Variants in LPCAT1 observed in about 807,000 individuals in gnomAD.
LPCAT1 encodes lysophosphatidylcholine acyltransferase 1.
LPCAT1 carries 23 observed loss-of-function variants against 60.9 expected under a neutral mutation model. The ratio of observed to expected loss-of-function variants is 0.38; its 90% CI spans 0.27 to 0.53. The LOEUF is 0.53. Among genes scored for constraint, LPCAT1 ranks in the 20% least tolerant of loss-of-function variants. The pLI is 0.82. For missense variants in LPCAT1, 622 were observed against 723.6 expected (o/e 0.86, Z 1.61); for synonymous variants, 340 against 301.1 (o/e 1.13, Z -1.34).
intron 12 of LPCAT1, among the ~76,000 whole-genome samples, chr5:1,467,976 C>A (rs1047410783): frequency 1.4e-4 from 21 of 152,118 alleles, no homozygotes; most frequent in African/African-American, 4.8e-4. Context: ...ATCTTGTGAG[C>A]GTTTGCTCCA....
At position 1,523,411 on chromosome 5, in the gene LPCAT1, G is replaced by A. The variant is rs1736735023; in HGVS notation, c.135+299C>T. Among the ~76,000 whole-genome samples the A allele has an allele frequency of 6.6e-6, 1 of 151,784 alleles. No individual in the cohort carries two copies. The highest frequency in any genetic ancestry group is 2.1e-4 in the South Asian group (1 of 4,828). ...GTTGTGGGCCCGGTTCAGGGTGCAGGGGTCTGGGGGGAGGAGCAGAACGCG... is the reference window on the plus strand; with the variant it reads ...GTTGTGGGCCCGGTTCAGGGTGCAGAGGTCTGGGGGGAGGAGCAGAACGCG... On this transcript the variant is annotated intron_variant, in intron 1 of 13. Coordinates refer to ENST00000283415, the MANE Select transcript of LPCAT1 (RefSeq NM_024830.5). This position sits in a 1 kb window ranked among gnomAD's most constrained non-coding sequence, Gnocchi z 7.1.
At chr5:1,486,932 A>AC (rs1298788386) in intron 5 of LPCAT1, among the ~76,000 whole-genome samples, 1 of 152,212 alleles carries the variant, frequency 6.6e-6, no homozygotes, top group Non-Finnish European at 1.5e-5. Flanking sequence ...CCTGGACTGC[A>AC]CACAGTGAGC....
rs759902435 is a variant in LPCAT1 at position 1,474,116 on chromosome 5, C to T, written c.1026-6G>A. ...CAAGCTTTTCTGGTTTTAGCCTAGA[C>T]AAAAAAAGAGGGAAAGCTTTCTTTT... On this transcript the variant is annotated splice_region_variant and splice_polypyrimidine_tract_variant and intron_variant, in intron 10 of 13. Transcript: ENST00000283415. 8 of 1,601,808 alleles carry T rather than the reference C, an allele frequency of 5.0e-6. No homozygotes were observed. The Admixed American group carries it at 1.2e-4, about 24-fold the overall frequency.
chr5:1,513,370 AG>A (rs1232195558), intron 1 of LPCAT1, among the ~76,000 whole-genome samples: 1 of 152,214 alleles, frequency 6.6e-6, no homozygotes, highest in African/African-American at 2.4e-5. Flanking sequence ...TACAGGCTGC[AG>A]GCTGGGAGGC....
At position 1,501,616 on chromosome 5, in the gene LPCAT1, G is replaced by A. The variant is rs754826056; in HGVS notation, c.136-13C>T. 2.5e-6 allele frequency: 4 copies of A among 1,613,400 alleles called. No homozygotes were observed. In the East Asian group the frequency reaches 6.7e-5, roughly 27 times the overall value. ...TCATGAGGGCCACCTGCAGACAGAGGGGGGCATTATCCAGAGAATCCATGT... is the reference window on the plus strand; with the variant it reads ...TCATGAGGGCCACCTGCAGACAGAGAGGGGCATTATCCAGAGAATCCATGT... On this transcript the variant is annotated splice_polypyrimidine_tract_variant and intron_variant, in intron 1 of 13. Transcript: ENST00000283415.
Position 1,480,793 on chromosome 5 carries a change from T to C in LPCAT1, c.761+149A>G, listed in dbSNP as rs370161831. ...GTCAGGCCTGGGCCACATCTGTACG[T>C]TTAGTTTTCACAATGGGCTGAACCT... is the stretch of plus-strand genomic sequence containing the variant. On this transcript the variant is annotated intron_variant, in intron 7 of 13. Transcript: ENST00000283415. The surrounding 1 kb of genome is among the most constrained non-coding windows in gnomAD (Gnocchi z 6.4). 1.0e-6 allele frequency: 1 copy of C among 961,984 alleles called. No homozygotes were observed. The allele number at this position is 961,984 out of a possible 1,614,324, so 59.6% of individuals were successfully genotyped here. A position where few individuals can be genotyped will look rare whatever the true frequency, so the allele number is the denominator to read the frequency against.
At chr5:1,500,679 T>G (rs1156328388) in intron 2 of LPCAT1, among the ~76,000 whole-genome samples, 1 of 152,222 alleles carries the variant, frequency 6.6e-6, no homozygotes, top group Non-Finnish European at 1.5e-5. Flanking sequence ...TGGCCGGAGC[T>G]TCTGCTTTTC....
intron 1 of LPCAT1, 110 bp from the exon 2 acceptor site, chr5:1,501,713 T>C: frequency 8.8e-7 from 1 of 1,130,014 alleles, no homozygotes; most frequent in South Asian, 1.4e-5. Flanking sequence ...AGTGGAGAGC[T>C]GGGGAGGGGC....
In LPCAT1 at chr5:1,463,767, G is replaced by A; in HGVS notation, c.1489C>T (p.His497Tyr). ...GAGGTCTCTGCACAGCTTTCGAAAT[G>A]TGTCTGATCCGGGTACAGGTATTCC... is the stretch of plus-strand genomic sequence containing the variant. ...AEEYLYPDQTHFESCAETSPA... is the reference protein window; with the variant it reads ...AEEYLYPDQTYFESCAETSPA... Residue 497 changes from histidine (H) to tyrosine (Y), a missense_variant, in exon 14 of 14, where the codon CAT becomes TAT. Around this residue, in one of 3 missense-constraint regions of LPCAT1, gnomAD observed 288 missense variants for 283.6 expected, o/e 1.02. Coordinates refer to ENST00000283415, the MANE Select transcript of LPCAT1 (RefSeq NM_024830.5). 1.2e-6 allele frequency: 2 copies of A among 1,614,272 alleles called. No individual in the cohort carries two copies.
chr5:1,493,208 C>A (rs1302645788), intron 3 of LPCAT1, among the ~76,000 whole-genome samples: 1 of 152,254 alleles, frequency 6.6e-6, no homozygotes, highest in Non-Finnish European at 1.5e-5. Flanking sequence ...AAGGACCATC[C>A]CCGATTTCCA....
chr5:1,469,835 G>A (rs1278439763), intron 12 of LPCAT1, among the ~76,000 whole-genome samples: 1 of 152,120 alleles, frequency 6.6e-6, no homozygotes, highest in Non-Finnish European at 1.5e-5. Context: ...GGCCAGCAGG[G>A]GCCGCAGGGC....
chr5:1,505,703 C>T (rs887789349), intron 1 of LPCAT1, among the ~76,000 whole-genome samples: 1 of 152,218 alleles, frequency 6.6e-6, no homozygotes, highest in African/African-American at 2.4e-5. Flanking sequence ...ACTGGGCGAC[C>T]ACCTGAGCCT....
intron 1 of LPCAT1, among the ~76,000 whole-genome samples, chr5:1,508,687 A>G (rs1241668428): frequency 6.6e-6 from 1 of 152,238 alleles, no homozygotes; most frequent in African/African-American, 2.4e-5. Flanking sequence ...TATGTTTGAA[A>G]TTTCCCATGA....
chr5:1,463,868 T>G, intron 13 of LPCAT1, 33 bp from the exon 14 acceptor site: 3 of 1,607,392 alleles, frequency 1.9e-6, no homozygotes, highest in South Asian at 2.2e-5. Flanking sequence ...GGTTATGGAA[T>G]GGGGACGAGC....
chr5:1,478,011 T>G (rs1343207370), intron 8 of LPCAT1, among the ~76,000 whole-genome samples: 1 of 152,278 alleles, frequency 6.6e-6, no homozygotes, highest in African/African-American at 2.4e-5. Context: ...CATCAGAACA[T>G]CCAGCTCCCT....
intron 1 of LPCAT1, among the ~76,000 whole-genome samples, chr5:1,509,627 C>A (rs1156437897): frequency 6.6e-6 from 1 of 152,206 alleles, no homozygotes; most frequent in Non-Finnish European, 1.5e-5. Context: ...CCCACAGACA[C>A]AAACCGAGCA....
intron 1 of LPCAT1, among the ~76,000 whole-genome samples, chr5:1,506,411 C>A (rs953153021): frequency 1.3e-5 from 2 of 152,220 alleles, no homozygotes; most frequent in Non-Finnish European, 2.9e-5. Context: ...CTTCTATGAC[C>A]CCGCACCTTC....
At position 1,521,756 on chromosome 5, in the gene LPCAT1, C is replaced by G. The variant is rs560034456; in HGVS notation, c.135+1954G>C. Among the ~76,000 whole-genome samples the G allele has an allele frequency of 1.3e-5, 2 of 152,244 alleles. No homozygotes were observed. The highest frequency in any genetic ancestry group is 4.1e-4 in the South Asian group (2 of 4,824). ...TTCGGCCCAAGGGAGAACAGCTGCC[C>G]AAAGCCTTCAATCTCGGGACCAGGA... On this transcript the variant is annotated intron_variant, in intron 1 of 13. Coordinates refer to ENST00000283415, the MANE Select transcript of LPCAT1 (RefSeq NM_024830.5). The surrounding 1 kb of genome is among the most constrained non-coding windows in gnomAD (Gnocchi z 4.3).
rs1285799091 is a variant in LPCAT1, at chr5:1,470,895, C to T, written c.1209G>A (p.Glu403=). Residue 403 remains glutamate, a synonymous_variant, in exon 12 of 14, where the codon GAG becomes GAA. Transcript: ENST00000283415. ...ESGSGEVDLR[E]CVVALSVVCR... ...AGACGACAGACAGGGCAACCACACA[C>T]TCTCGCAGGTCCACCTCGCCGCTGC... is the stretch of plus-strand genomic sequence containing the variant. 1.2e-6 allele frequency: 2 copies of T among 1,613,296 alleles called. No homozygotes were observed. The highest frequency in any genetic ancestry group is 1.7e-5 in the Admixed American group (1 of 59,982).
Sources: gnomAD v4.1 joint callset for allele counts (sites outside exome capture counted in the v4.1 genomes callset) on GRCh38, gnomAD v4.1.1 for gene constraint, gnomAD v4.1.1 regional missense constraint, Gnocchi (gnomAD v3.1) non-coding constraint, MANE v1.5 for transcripts, NCBI Gene and HGNC (gene_info 2026-07-23, HGNC 2026-07-21) for gene names.